The following APOBEC2 variants were observed in gnomAD, a reference collection of about 807,000 sequenced individuals.
APOBEC2 encodes apolipoprotein B mRNA editing enzyme catalytic subunit 2.
In APOBEC2, 14 loss-of-function variants were observed where a neutral mutation model predicts 19.4. That is an observed-to-expected ratio of 0.72 (90% confidence interval 0.48 to 1.13). The LOEUF is 1.13. Among genes scored for constraint, APOBEC2 ranks in the 50% most tolerant of loss-of-function variants. APOBEC2 has a pLI of 0.00. For missense variants in APOBEC2, 304 were observed against 277.0 expected (o/e 1.10, Z -0.69); for synonymous variants, 127 against 112.1 (o/e 1.13, Z -0.84).
At chr6:41,056,953 G>A (rs1451998593) in intron 1 of APOBEC2, among the ~76,000 whole-genome samples, 2 of 152,280 alleles carry the variant, frequency 1.3e-5, no homozygotes, top group Non-Finnish European at 2.9e-5. Context: ...GAGCTCTGGG[G>A]CACGAGAGCT....
chr6:41,061,206 T>A, intron 1 of APOBEC2, 122 bp from the exon 2 acceptor site: 4 of 425,708 alleles, frequency 9.4e-6, no homozygotes, highest in East Asian at 4.3e-5. Flanking sequence ...AGACAAGACC[T>A]ATTTATAGTA....
Position 41,064,766 on chromosome 6 carries a change from C to G in APOBEC2, c.*687C>G, listed in dbSNP as rs113892571. The G allele has an allele frequency of 6.6e-6, 1 of 152,190 alleles. No homozygotes were observed. Among genetic ancestry groups the G allele is most frequent in the Non-Finnish European group, 1.5e-5 (1 of 68,052 alleles). 9.4% of individuals were successfully genotyped at this position (152,190 alleles called of 1,614,324 possible). On this transcript the variant is annotated 3_prime_UTR_variant, in exon 3 of 3. Coordinates refer to ENST00000244669, the MANE Select transcript of APOBEC2 (RefSeq NM_006789.4). ...CATGAGAAATCTAAGGTAGCCACAT[C>G]CCAAATGCCAGTTAATAAGCAACTA...
Position 41,064,240 on chromosome 6 carries a change from A to G in APOBEC2, c.*161A>G, listed in dbSNP as rs1243677627. The G allele has an allele frequency of 1.3e-5, 2 of 152,528 alleles. No homozygotes were observed. Among genetic ancestry groups the G allele is most frequent in the Non-Finnish European group, 2.9e-5 (2 of 68,026 alleles). The allele number at this position is 152,528 out of a possible 1,614,324, so 9.4% of individuals were successfully genotyped here. Reference sequence around the variant, plus strand: ...ACAAGGCCCTTAGAGGACTTGAAATATACTTCTCATGCTGTAGTTTATTTA... The same window carrying G: ...ACAAGGCCCTTAGAGGACTTGAAATGTACTTCTCATGCTGTAGTTTATTTA... On this transcript the variant is annotated 3_prime_UTR_variant, in exon 3 of 3. Coordinates refer to ENST00000244669, the MANE Select transcript of APOBEC2 (RefSeq NM_006789.4).
At position 41,053,423 on chromosome 6, in the gene APOBEC2, G is replaced by T. The variant is rs142290000; in HGVS notation, c.76G>T (p.Asp26Tyr). 1 of 1,614,198 alleles carries T rather than the reference G, an allele frequency of 6.2e-7. No homozygotes were observed. The highest frequency in any genetic ancestry group is 1.7e-5 in the Admixed American group (1 of 60,036). ...TGGGGAGGATCTGGAGAACCTGGAC[G>T]ACCCTGAGAAGCTGAAAGAGCTGAT... ...QNGEDLENLDDPEKLKELIEL... is the reference protein window; with the variant it reads ...QNGEDLENLDYPEKLKELIEL... The change falls in exon 1 of 3, where the codon GAC becomes TAC. Residue 26 changes from aspartate (D) to tyrosine (Y), a missense_variant. Physicochemically the swap from Asp to Tyr is radical, Grantham distance 160 (BLOSUM62 -3). Transcript: ENST00000244669.
At chr6:41,063,534 C>CTTTTTTTTTTTTTTTTTT in intron 2 of APOBEC2, among the ~76,000 whole-genome samples, 1 of 85,366 alleles carries the variant, frequency 1.2e-5, no homozygotes, top group Non-Finnish European at 2.0e-5. Flanking sequence ...GTCCTTAGAG[C>CTTTTTTTTTTTTTTTTTT]TTTTTTTTTT....
chr6:41,060,400 G>A (rs1420093861), intron 1 of APOBEC2, among the ~76,000 whole-genome samples: 13 of 152,144 alleles, frequency 8.5e-5, no homozygotes, highest in Admixed American at 5.9e-4. Flanking sequence ...ACTGCCTCCC[G>A]AATCAAGGCC....
intron 1 of APOBEC2, among the ~76,000 whole-genome samples, chr6:41,057,034 G>C (rs1762805833): frequency 6.6e-6 from 1 of 152,156 alleles, no homozygotes. Context: ...CTTGATGTGA[G>C]CTTGGCTTTG....
At chr6:41,063,263 A>ACTG (rs1325570192) in intron 2 of APOBEC2, among the ~76,000 whole-genome samples, 1 of 152,196 alleles carries the variant, frequency 6.6e-6, no homozygotes, top group Non-Finnish European at 1.5e-5. Flanking sequence ...GATAGGGTAT[A>ACTG]CTGTGTGGTA....
At chr6:41,053,560 T>C (rs1187698164) in intron 1 of APOBEC2, 82 bp downstream of exon 1, 2 of 1,578,214 alleles carry the variant, frequency 1.3e-6, no homozygotes, top group African/African-American at 1.4e-5. Flanking sequence ...AGGATGGTTA[T>C]ATTAGGCGTC....
intron 1 of APOBEC2, among the ~76,000 whole-genome samples, 166 bp from the exon 2 acceptor site, chr6:41,061,156 CTTTTTT>C (rs35586672): frequency 8.5e-5 from 9 of 105,654 alleles, no homozygotes; most frequent in East Asian, 2.8e-4. Context: ...TTTTTTAATG[CTTTTTT>C]TTTTTTTTTT....
chr6:41,061,889 T>A lies in APOBEC2; in HGVS notation c.*18T>A. The A allele has an allele frequency of 6.2e-7, 1 of 1,601,650 alleles. No homozygotes were observed. The highest frequency in any genetic ancestry group is 1.8e-4 in the Middle Eastern group (1 of 5,616). The stretch of plus-strand genomic sequence containing the variant: ...TGAAGTAGGGCAACTGGGCTTTGCC[T>A]CACGTGAGTTTTCCTGGTGCCATGG... On this transcript the variant is annotated 3_prime_UTR_variant, in exon 2 of 3. Coordinates refer to ENST00000244669, the MANE Select transcript of APOBEC2 (RefSeq NM_006789.4).
At chr6:41,055,359 G>A (rs1056618535) in intron 1 of APOBEC2, among the ~76,000 whole-genome samples, 1 of 152,186 alleles carries the variant, frequency 6.6e-6, no homozygotes, top group Non-Finnish European at 1.5e-5. Flanking sequence ...AGCGCTGAGT[G>A]TTTCCTGGCC....
At chr6:41,063,052 C>T (rs1050907811) in intron 2 of APOBEC2, among the ~76,000 whole-genome samples, 6 of 152,192 alleles carry the variant, frequency 3.9e-5, no homozygotes, top group Non-Finnish European at 8.8e-5. Flanking sequence ...CTCCTAACAC[C>T]CTTAAGAGAA....
chr6:41,056,835 G>A (rs1332561301), intron 1 of APOBEC2, among the ~76,000 whole-genome samples: 1 of 152,172 alleles, frequency 6.6e-6, no homozygotes, highest in East Asian at 1.9e-4. Flanking sequence ...AACTGGGGGA[G>A]GGTTTCTTGA....
At chr6:41,057,661 G>T (rs903254603) in intron 1 of APOBEC2, among the ~76,000 whole-genome samples, 6 of 152,176 alleles carry the variant, frequency 3.9e-5, no homozygotes, top group African/African-American at 1.4e-4. Flanking sequence ...AGGGAAAGCT[G>T]AAACAAGTCA....
At chr6:41,063,534 C>CTTTTT (rs34638825) in intron 2 of APOBEC2, among the ~76,000 whole-genome samples, 11 of 85,372 alleles carry the variant, frequency 1.3e-4, no homozygotes, top group Non-Finnish European at 2.0e-4. Flanking sequence ...GTCCTTAGAG[C>CTTTTT]TTTTTTTTTT....
In APOBEC2 at chr6:41,058,399, C is replaced by CCACA. The variant is rs3049087; in HGVS notation, c.132-2905_132-2902dup. On this transcript the variant is annotated intron_variant, in intron 1 of 2. Transcript: ENST00000244669. ...ACCACCACCCACCAACACCACCCCA[C>CCACA]CACACACACACACACACACACACAC... is the stretch of plus-strand genomic sequence containing the variant. 6.5e-3 allele frequency among the ~76,000 whole-genome samples: 924 copies of CCACA among 142,588 alleles called. 14 individuals are homozygous for CCACA. The highest frequency in any genetic ancestry group is 0.018 in the African/African-American group (688 of 38,136). 93.5% of individuals were successfully genotyped at this position (142,588 alleles called of 152,430 possible).
chr6:41,061,951 G>C, intron 2 of APOBEC2, 59 bp downstream of exon 2: 1 of 1,438,700 alleles, frequency 7.0e-7, no homozygotes, highest in Non-Finnish European at 9.4e-7. Flanking sequence ...AGTAGAAGGT[G>C]TGAGGTCAGG....
chr6:41,061,706 G>A lies in APOBEC2; in HGVS notation c.510G>A (p.Lys170=), dbSNP rs1581991291. 6.2e-7 allele frequency: 1 copy of A among 1,614,232 alleles called. No homozygotes were observed. Among genetic ancestry groups the A allele is most frequent in the Non-Finnish European group, 8.5e-7 (1 of 1,180,042 alleles). The change falls in exon 2 of 3, where the codon AAG becomes AAA. Residue 170 remains lysine, a synonymous_variant. Transcript: ENST00000244669. ...TCCAGGCTGCTCTGAAGAAGCTGAA[G>A]GAGGCTGGCTGTAAACTGCGCATCA... ...PEIQAALKKL[K]EAGCKLRIMK... is the part of the protein sequence containing the mutation.
Sources: allele counts gnomAD v4.1 joint callset (sites outside exome capture counted in the v4.1 genomes callset), GRCh38; gene constraint gnomAD v4.1.1; transcripts MANE v1.5; gene names NCBI Gene and HGNC (gene_info 2026-07-23, HGNC 2026-07-21).